The following CTNNA2 variants were observed in gnomAD, a reference collection of about 807,000 sequenced individuals.
The protein encoded by CTNNA2 is catenin alpha 2, also known as catenin alpha-2.
A neutral mutation model predicts 101.0 loss-of-function variants in CTNNA2; 42 were observed. The ratio of observed to expected loss-of-function variants is 0.42; its 90% CI spans 0.32 to 0.54. CTNNA2 has a LOEUF of 0.54. Ranked by LOEUF, CTNNA2 falls within the 20% of genes least tolerant of loss-of-function variation. The probability of loss-of-function intolerance (pLI) is 0.14; values close to 1 mark genes in which losing one functional copy is unlikely to be tolerated. For synonymous variants in CTNNA2, 450 were observed against 456.4 expected, an observed-to-expected ratio of 0.99 and a Z score of 0.18; for missense variants, 871 against 1,223.1, an observed-to-expected ratio of 0.71 and a Z score of 4.29.
chr2:79,905,923 G>GT (rs941911834), intron 6 of CTNNA2, among the ~76,000 whole-genome samples: 2 of 152,100 alleles, frequency 1.3e-5, no homozygotes, highest in African/African-American at 4.8e-5. Context: ...CCAGGGGTTG[G>GT]TTTTTTATTT....
intron 7 of CTNNA2, among the ~76,000 whole-genome samples, chr2:80,225,710 AT>A (rs1044144173): frequency 6.6e-6 from 1 of 152,114 alleles, no homozygotes; most frequent in African/African-American, 2.4e-5. Context: ...TAGGATGATG[AT>A]TTTTTTTCCT....
At chr2:80,412,045 T>C (rs1679622634) in intron 8 of CTNNA2, among the ~76,000 whole-genome samples, 1 of 152,124 alleles carries the variant, frequency 6.6e-6, no homozygotes, top group Non-Finnish European at 1.5e-5. Flanking sequence ...AACCGTGGGC[T>C]CCATTTTCTG....
At chr2:79,980,453 A>C (rs376112070) in intron 7 of CTNNA2, among the ~76,000 whole-genome samples, 1 of 152,140 alleles carries the variant, frequency 6.6e-6, no homozygotes, top group Non-Finnish European at 1.5e-5. Context: ...AAAGCCCTCT[A>C]ATTGCAAAAA....
chr2:79,479,908 G>A (rs1270997714), intron 4 of CTNNA2, among the ~76,000 whole-genome samples: 1 of 151,904 alleles, frequency 6.6e-6, no homozygotes, highest in Admixed American at 6.6e-5. Context: ...GGGCGACAAA[G>A]TGAGACTCCA....
intron 1 of CTNNA2, among the ~76,000 whole-genome samples, chr2:79,573,184 C>T (rs55826810): frequency 0.035 from 5,379 of 152,106 alleles, 135 homozygotes; most frequent in African/African-American, 0.064. Context: ...TAATAAAAAC[C>T]GTGAAGGCTG....
chr2:79,922,122 T>C (rs1686701205), intron 7 of CTNNA2, among the ~76,000 whole-genome samples: 1 of 152,186 alleles, frequency 6.6e-6, no homozygotes. Flanking sequence ...CTTTTTCCGT[T>C]TTCTTAATCA....
intron 4 of CTNNA2, among the ~76,000 whole-genome samples, chr2:79,501,270 A>G (rs1024768250): frequency 2.2e-4 from 33 of 151,974 alleles, no homozygotes; most frequent in African/African-American, 7.5e-4. Flanking sequence ...TTCAAAGTTT[A>G]TTTTTCTGTT....
chr2:79,833,533 C>T (rs755072347), intron 3 of CTNNA2, among the ~76,000 whole-genome samples: 4 of 152,156 alleles, frequency 2.6e-5, no homozygotes, highest in Admixed American at 2.6e-4. Flanking sequence ...ACTCTTCAGA[C>T]ATTAACCTGG....
chr2:80,243,319 T>A (rs1158885563), intron 7 of CTNNA2, among the ~76,000 whole-genome samples: 2 of 152,156 alleles, frequency 1.3e-5, no homozygotes, highest in African/African-American at 4.8e-5. Flanking sequence ...AATAAACAAT[T>A]TGATAAGCTT....
At chr2:79,299,890 G>A (rs1676068680) in intron 2 of CTNNA2, among the ~76,000 whole-genome samples, 2 of 152,150 alleles carry the variant, frequency 1.3e-5, no homozygotes. Flanking sequence ...GTGAAAATAT[G>A]CATTTTAAAT....
chr2:79,748,193 C>T (rs1446282436), intron 3 of CTNNA2, among the ~76,000 whole-genome samples: 2 of 152,086 alleles, frequency 1.3e-5, no homozygotes, highest in Non-Finnish European at 2.9e-5. Context: ...TTGCCCATTA[C>T]CCAAATTTTA....
At chr2:80,144,331 AC>A (rs1409940290) in intron 7 of CTNNA2, among the ~76,000 whole-genome samples, 4 of 152,160 alleles carry the variant, frequency 2.6e-5, no homozygotes, top group Admixed American at 2.6e-4. Flanking sequence ...CCTTAACAAT[AC>A]CAGAAGAAAG....
chr2:80,077,079 C>T (rs1198958333), intron 7 of CTNNA2, among the ~76,000 whole-genome samples: 2 of 152,002 alleles, frequency 1.3e-5, no homozygotes, highest in East Asian at 3.9e-4. Flanking sequence ...TAGAGACTCA[C>T]TAACATGACT....
rs966891414 is a variant in CTNNA2 at position 79,464,509 on chromosome 2, T to C, written c.-134-40545T>C. Among the ~76,000 whole-genome samples, 6 of 152,198 alleles carry C rather than the reference T, an allele frequency of 3.9e-5. No individual in the cohort carries two copies. The South Asian group carries it at 1.2e-3, about 32-fold the overall frequency. On this transcript the variant is annotated intron_variant, in intron 4 of 21. Coordinates refer to the CTNNA2 transcript ENST00000466387. Reference sequence around the variant, plus strand: ...TTTGGGTATATACCCAGTAATGGGATGGCTGGGTCAAATGGTATTTCTAGT... The same window carrying C: ...TTTGGGTATATACCCAGTAATGGGACGGCTGGGTCAAATGGTATTTCTAGT...
intron 1 of CTNNA2, chr2:79,195,839 C>A (rs1434199): frequency 2.0e-6 from 1 of 512,118 alleles, no homozygotes; most frequent in South Asian, 1.4e-5. Flanking sequence ...ACATATCACT[C>A]AATGAAAGTT....
intron 4 of CTNNA2, among the ~76,000 whole-genome samples, chr2:79,488,209 T>A (rs1573189292): frequency 2.0e-5 from 3 of 151,412 alleles, no homozygotes. Flanking sequence ...TCCCAGCTAC[T>A]CAGGAGGCTG....
intron 7 of CTNNA2, among the ~76,000 whole-genome samples, chr2:80,088,595 TTTC>T (rs1699589877): frequency 6.6e-6 from 1 of 152,122 alleles, no homozygotes; most frequent in Non-Finnish European, 1.5e-5. Context: ...CTGTTGTTTG[TTTC>T]TTCTTTAAAA....
At chr2:79,933,664 A>C (rs2104430563) in intron 7 of CTNNA2, among the ~76,000 whole-genome samples, 1 of 152,256 alleles carries the variant, frequency 6.6e-6, no homozygotes, top group African/African-American at 2.4e-5. Flanking sequence ...CATGTTGGCC[A>C]GGCTGGTCTC....
intron 1 of CTNNA2, among the ~76,000 whole-genome samples, chr2:79,579,678 G>A (rs10176370): frequency 2.0e-5 from 3 of 152,048 alleles, no homozygotes; most frequent in East Asian, 1.9e-4. Flanking sequence ...GCCATGGCAC[G>A]ATCTTGGCTC....
Sources: allele counts gnomAD v4.1 joint callset (sites outside exome capture counted in the v4.1 genomes callset), GRCh38; gene constraint gnomAD v4.1.1; transcripts MANE v1.5; gene names NCBI Gene and HGNC (gene_info 2026-07-23, HGNC 2026-07-21).